The following USP15 variants were observed in gnomAD, a reference collection of about 807,000 sequenced individuals.
USP15 encodes ubiquitin carboxyl-terminal hydrolase 15.
A neutral mutation model predicts 127.1 loss-of-function variants in USP15; 18 were observed. That is an observed-to-expected ratio of 0.14 (90% CI 0.10 to 0.21). The LOEUF (loss-of-function observed/expected upper bound fraction) is 0.21. Ranked by LOEUF, USP15 falls within the 10% of genes least tolerant of loss-of-function variation. USP15 has a pLI of 1.00. For missense variants in USP15, 805 were observed against 1,159.9 expected (o/e 0.69, Z 4.44); for synonymous variants, 364 against 393.7 (o/e 0.92, Z 0.89).
chr12:62,309,734 C>G (rs1043191355), intron 3 of USP15, among the ~76,000 whole-genome samples: 1 of 151,504 alleles, frequency 6.6e-6, no homozygotes, highest in Non-Finnish European at 1.5e-5. Flanking sequence ...TCAAAGAATA[C>G]AATTTTAACT....
chr12:62,389,382 AT>A (rs1032505971), intron 11 of USP15, 48 bp from the exon 12 acceptor site: 8 of 1,513,808 alleles, frequency 5.3e-6, no homozygotes, highest in Admixed American at 3.7e-5. Context: ...CATTTACTGA[AT>A]TTTTTTTCCA....
intron 8 of USP15, among the ~76,000 whole-genome samples, chr12:62,361,985 A>T (rs1346729942): frequency 2.0e-5 from 3 of 152,060 alleles, no homozygotes; most frequent in Admixed American, 1.3e-4. Context: ...GCCTCTGTTA[A>T]GAGTGGTACC....
intron 1 of USP15, among the ~76,000 whole-genome samples, chr12:62,269,711 G>T (rs571387179): frequency 6.6e-6 from 1 of 152,228 alleles, no homozygotes; most frequent in South Asian, 2.1e-4. Context: ...ATGAGCCACT[G>T]TGTCTAGCCA....
At chr12:62,387,189 A>G (rs1227213175) in intron 11 of USP15, among the ~76,000 whole-genome samples, 1 of 152,204 alleles carries the variant, frequency 6.6e-6, no homozygotes, top group East Asian at 1.9e-4. Context: ...TCTAGACCAA[A>G]GGAGAGAGAC....
chr12:62,396,751 G>A (rs964266533), intron 20 of USP15, among the ~76,000 whole-genome samples: 2 of 152,066 alleles, frequency 1.3e-5, no homozygotes. Context: ...CTGTGCTGTA[G>A]ATATCACTAG....
intron 1 of USP15, among the ~76,000 whole-genome samples, chr12:62,275,403 A>C (rs906577163): frequency 7.0e-5 from 10 of 142,146 alleles, no homozygotes; most frequent in Non-Finnish European, 1.2e-4. Flanking sequence ...CCCCCCACCC[A>C]AAAAAAAAAA....
chr12:62,384,279 G>A lies in USP15; in HGVS notation c.1450G>A (p.Asp484Asn), dbSNP rs200976460. The A allele has an allele frequency of 6.2e-7, 1 of 1,607,366 alleles. No homozygotes were observed. Among genetic ancestry groups the A allele is most frequent in the Non-Finnish European group, 8.5e-7 (1 of 1,177,538 alleles). ...CTTGGAAGTTTACTTAGTTAGAATG[G>A]ATCCACTTACCAAACCTATGCAGGT... is the stretch of plus-strand genomic sequence containing the variant. ...RTLEVYLVRM[D>N]PLTKPMQYKV... The change falls in exon 11 of 22, where the codon GAT (aspartate) becomes AAT (asparagine). Residue 484 changes from aspartate to asparagine, a missense_variant. By Grantham distance (23) the Asp-to-Asn change is conservative. Transcript: ENST00000280377.
chr12:62,401,095 A>C, intron 20 of USP15, 92 bp from the exon 21 acceptor site: 2 of 736,410 alleles, frequency 2.7e-6, no homozygotes, highest in Non-Finnish European at 4.4e-6. Flanking sequence ...CAGTGTTAAT[A>C]GATATTCCTT....
intron 1 of USP15, among the ~76,000 whole-genome samples, chr12:62,272,370 TA>T (rs1354232677): frequency 1.3e-5 from 2 of 151,988 alleles, no homozygotes; most frequent in East Asian, 3.8e-4. Flanking sequence ...TTTCAAAAAA[TA>T]AACAAGGTTA....
intron 3 of USP15, among the ~76,000 whole-genome samples, chr12:62,304,059 A>G (rs1337796661): frequency 6.6e-6 from 1 of 151,368 alleles, no homozygotes; most frequent in Admixed American, 6.6e-5. Flanking sequence ...TAAAGGTATT[A>G]CACTGTATTC....
At chr12:62,355,591 A>G in intron 8 of USP15, 116 bp downstream of exon 8, 2 of 1,182,358 alleles carry the variant, frequency 1.7e-6, no homozygotes, top group East Asian at 2.5e-5. Context: ...TTCATTTTTC[A>G]TGGAAGATTT....
chr12:62,288,430 T>C (rs962154463), intron 1 of USP15, among the ~76,000 whole-genome samples: 1 of 148,008 alleles, frequency 6.8e-6, no homozygotes, highest in Non-Finnish European at 1.5e-5. Context: ...GTGTATAAAA[T>C]TGCTTCTGGT....
At chr12:62,379,810 C>G (rs1414379743) in intron 8 of USP15, among the ~76,000 whole-genome samples, 1 of 151,974 alleles carries the variant, frequency 6.6e-6, no homozygotes, top group Non-Finnish European at 1.5e-5. Context: ...GGCATTTACC[C>G]TCTGTGTAGC....
chr12:62,296,867 T>A (rs1424734961), intron 2 of USP15, among the ~76,000 whole-genome samples: 2 of 152,188 alleles, frequency 1.3e-5, no homozygotes, highest in Admixed American at 6.5e-5. Context: ...CGTGCTTAAT[T>A]TTCCAGCCCT....
intron 21 of USP15, among the ~76,000 whole-genome samples, chr12:62,401,932 A>ATG (rs2067703256): frequency 6.7e-6 from 1 of 149,784 alleles, no homozygotes. Flanking sequence ...ATATATATAT[A>ATG]TATACTGTTA....
At chr12:62,283,125 A>G (rs1457888046) in intron 1 of USP15, among the ~76,000 whole-genome samples, 3 of 152,238 alleles carry the variant, frequency 2.0e-5, no homozygotes, top group East Asian at 1.9e-4. Context: ...TATACTCCCC[A>G]GTAGTTTTTC....
rs1007132441 is a variant in USP15 at position 62,414,039 on chromosome 12, A to C, written c.*9664A>C. 6.6e-6 allele frequency: 1 copy of C among 152,206 alleles called. No homozygotes were observed. The highest frequency in any genetic ancestry group is 1.5e-5 in the Non-Finnish European group (1 of 68,054). The allele number at this position is 152,206 out of a possible 1,614,324, so 9.4% of individuals were successfully genotyped here. A position where few individuals can be genotyped will look rare whatever the true frequency, so the allele number is the denominator to read the frequency against. On this transcript the variant is annotated 3_prime_UTR_variant, in exon 22 of 22. Coordinates refer to ENST00000280377, the MANE Select transcript of USP15 (RefSeq NM_001252078.2). ...TAGGGAGGCACATGGAGAGGGAGAG[A>C]GATGGGGAATGGCCAGTGGAGCAGT...
At chr12:62,266,448 G>T (rs2063194374) in intron 1 of USP15, among the ~76,000 whole-genome samples, 1 of 152,070 alleles carries the variant, frequency 6.6e-6, no homozygotes, top group Admixed American at 6.6e-5. Context: ...AACTCTTAAA[G>T]AATTTTTGAA....
intron 3 of USP15, among the ~76,000 whole-genome samples, chr12:62,310,170 T>C (rs970728257): frequency 6.6e-6 from 1 of 151,978 alleles, no homozygotes; most frequent in Non-Finnish European, 1.5e-5. Context: ...ATAAAGTTTA[T>C]TTTTATTTGT....
Sources: gnomAD v4.1 joint callset for allele counts (sites outside exome capture counted in the v4.1 genomes callset) on GRCh38, gnomAD v4.1.1 for gene constraint, MANE v1.5 for transcripts, NCBI Gene and HGNC (gene_info 2026-07-23, HGNC 2026-07-21) for gene names.